The following NUP153 variants were observed in gnomAD, a reference collection of about 807,000 sequenced individuals.
NUP153 encodes the protein nuclear pore complex protein Nup153.
In NUP153, 27 loss-of-function variants were observed where a neutral mutation model predicts 134.6. That is an observed-to-expected ratio of 0.20 (90% CI 0.15 to 0.28). NUP153 has a LOEUF of 0.28. Ranked by LOEUF, NUP153 falls within the 10% of genes least tolerant of loss-of-function variation. The probability of loss-of-function intolerance (pLI) is 1.00; values close to 1 mark genes in which losing one functional copy is unlikely to be tolerated. For synonymous variants in NUP153, 640 were observed against 623.5 expected, an observed-to-expected ratio of 1.03 and a Z score of -0.40; for missense variants, 1,821 against 1,731.3, an observed-to-expected ratio of 1.05 and a Z score of -0.92.
At chr6:17,669,213 G>A in intron 7 of NUP153, 80 bp downstream of exon 7, 3 of 1,239,034 alleles carry the variant, frequency 2.4e-6, no homozygotes, top group South Asian at 1.3e-5. Context: ...CAAGTAGCTG[G>A]GACTACAGGT....
In NUP153 at chr6:17,675,377, A is replaced by G; in HGVS notation, c.584-9T>C. 6.2e-7 allele frequency: 1 copy of G among 1,613,060 alleles called. No homozygotes were observed. The highest frequency in any genetic ancestry group is 8.5e-7 in the Non-Finnish European group (1 of 1,179,266). The stretch of plus-strand genomic sequence containing the variant: ...CTTTGAAACAGTTATATCTGAAACA[A>G]AATTACATAATCCATAGTAATAACA... On this transcript the variant is annotated splice_polypyrimidine_tract_variant and intron_variant, in intron 3 of 21. Coordinates refer to ENST00000262077, the MANE Select transcript of NUP153 (RefSeq NM_005124.4). The surrounding 1 kb of genome is among the most constrained non-coding windows in gnomAD (Gnocchi z 4.4).
At chr6:17,688,661 T>C (rs757765519) in intron 1 of NUP153, 43 bp from the exon 2 acceptor site, 1 of 1,498,388 alleles carries the variant, frequency 6.7e-7, no homozygotes, top group South Asian at 1.2e-5. Flanking sequence ...TAGAAATTTA[T>C]CTTTTTAAAA....
At chr6:17,626,196 A>G (rs1561854427) in intron 18 of NUP153, 32 bp from the exon 19 acceptor site, 1 of 1,519,702 alleles carries the variant, frequency 6.6e-7, no homozygotes, top group Non-Finnish European at 9.0e-7. Context: ...ACAAACATAA[A>G]TCCTTAAGAA....
chr6:17,686,849 T>C (rs560153841), intron 2 of NUP153, among the ~76,000 whole-genome samples: 1 of 145,286 alleles, frequency 6.9e-6, no homozygotes. Flanking sequence ...CAACCGTGAC[T>C]TGATTATTGT....
intron 1 of NUP153, among the ~76,000 whole-genome samples, chr6:17,701,513 T>G (rs561669460): frequency 6.6e-6 from 1 of 151,566 alleles, no homozygotes; most frequent in East Asian, 2.0e-4. Flanking sequence ...AATACAAAAA[T>G]TAGCTGGGCG....
In NUP153 at chr6:17,632,846, T is replaced by TAAAAAAAAAAAA; in HGVS notation, c.2465-14_2465-3dup. ...TACTTGAAGCAGGTACTGAACTTCC[T>TAAAAAAAAAAAA]AAAAAAAAAAAAAAAAACGGGGAGT... is the stretch of plus-strand genomic sequence containing the variant. On this transcript the variant is annotated splice_polypyrimidine_tract_variant and splice_region_variant and intron_variant, in intron 16 of 21. Coordinates refer to ENST00000262077, the MANE Select transcript of NUP153 (RefSeq NM_005124.4). 1 of 864,580 alleles carries TAAAAAAAAAAAA rather than the reference T, an allele frequency of 1.2e-6. No individual in the cohort carries two copies. Among genetic ancestry groups the TAAAAAAAAAAAA allele is most frequent in the Non-Finnish European group, 1.5e-6 (1 of 648,392 alleles). 53.6% of individuals were successfully genotyped at this position (864,580 alleles called of 1,614,324 possible). A position where few individuals can be genotyped will look rare whatever the true frequency, so the allele number is the denominator to read the frequency against.
At chr6:17,639,360 T>G (rs1216653484) in intron 15 of NUP153, among the ~76,000 whole-genome samples, 1 of 152,092 alleles carries the variant, frequency 6.6e-6, no homozygotes, top group African/African-American at 2.4e-5. Flanking sequence ...ATTACAAGGG[T>G]GAGCCACCGC....
chr6:17,692,070 G>A (rs1332263312), intron 1 of NUP153, among the ~76,000 whole-genome samples: 2 of 152,202 alleles, frequency 1.3e-5, no homozygotes, highest in East Asian at 3.8e-4. Context: ...CTATCCATCT[G>A]GAAGGCAAGT....
Position 17,616,680 on chromosome 6 carries a change from A to G in NUP153, c.4190T>C (p.Phe1397Ser). The G allele has an allele frequency of 1.2e-6, 2 of 1,612,726 alleles. No individual in the cohort carries two copies. Among genetic ancestry groups the G allele is most frequent in the Non-Finnish European group, 1.7e-6 (2 of 1,179,114 alleles). ...GTTGAAATTTGTAGTGCTGCTGCCAAACTGGAAAGCCGAACCTGCAATAGT... is the reference window on the plus strand; with the variant it reads ...GTTGAAATTTGTAGTGCTGCTGCCAGACTGGAAAGCCGAACCTGCAATAGT... The part of the protein sequence containing the change: ...TTPNSSSAFQ[F>S]GSSTTNFNFT... The change falls in exon 21 of 22, where the codon TTT becomes TCT. Residue 1397 changes from phenylalanine to serine, a missense_variant. Physicochemically the swap from Phe to Ser is radical, Grantham distance 155. Coordinates refer to ENST00000262077, the MANE Select transcript of NUP153 (RefSeq NM_005124.4).
intron 20 of NUP153, among the ~76,000 whole-genome samples, chr6:17,617,465 TAAAAAAAA>T (rs71002233): frequency 5.7e-5 from 6 of 105,778 alleles, no homozygotes; most frequent in South Asian, 3.2e-4. Context: ...TAGTGGGAAT[TAAAAAAAA>T]AAAAAAAAAA....
In NUP153 at chr6:17,639,943, G is replaced by A. The variant is rs527767494; in HGVS notation, c.1842C>T (p.Ser614=). 20 of 1,601,994 alleles carry A rather than the reference G, an allele frequency of 1.2e-5. No individual in the cohort carries two copies. In the South Asian group the frequency reaches 1.9e-4, roughly 15 times the overall value. Residue 614 remains serine, a synonymous_variant, in exon 15 of 22, where the codon AGC becomes AGT. Transcript: ENST00000262077. Reference sequence around the variant, plus strand: ...CTTATCTTTTAATTATCTTACCAGGGCTTTTCAGAATATCTAGAACACTTC... The same window carrying A: ...CTTATCTTTTAATTATCTTACCAGGACTTTTCAGAATATCTAGAACACTTC... ...KEGSVLDILK[S]PGFASPKIDS...
At position 17,676,460 on chromosome 6, in the gene NUP153, C is replaced by CT. The variant is rs1424194331; in HGVS notation, c.335-691dup. Among the ~76,000 whole-genome samples, 4 of 151,992 alleles carry CT rather than the reference C, an allele frequency of 2.6e-5. 1 individual carries two copies. The highest frequency in any genetic ancestry group is 2.6e-4 in the Admixed American group (4 of 15,248). ...TAGAATTTAATGCGTGTTGAAGTTA[C>CT]TCCACCCCACCTTCCCGTTATTAAA... On this transcript the variant is annotated intron_variant, in intron 2 of 21. Coordinates refer to ENST00000262077, the MANE Select transcript of NUP153 (RefSeq NM_005124.4).
Position 17,638,771 on chromosome 6 carries a change from G to A in NUP153, c.1847-1001C>T, listed in dbSNP as rs753345909. Among the ~76,000 whole-genome samples the A allele has an allele frequency of 2.0e-5, 3 of 152,186 alleles. No individual in the cohort carries two copies. The highest frequency in any genetic ancestry group is 2.4e-5 in the African/African-American group (1 of 41,446). On this transcript the variant is annotated intron_variant, in intron 15 of 21. Coordinates refer to ENST00000262077, the MANE Select transcript of NUP153 (RefSeq NM_005124.4). The surrounding 1 kb of genome is among the most constrained non-coding windows in gnomAD (Gnocchi z 4.0). ...GCAAAGTGTAACCCCAGATACACAA[G>A]ACAGACTATACACATTTGAGGCTTG...
At chr6:17,701,657 T>C (rs934255830) in intron 1 of NUP153, among the ~76,000 whole-genome samples, 1 of 90,454 alleles carries the variant, frequency 1.1e-5, no homozygotes, top group African/African-American at 3.9e-5. Context: ...CAAGACTCCA[T>C]CTCAAAAAAA....
Position 17,629,126 on chromosome 6 carries a change from C to T in NUP153, c.3073G>A (p.Gly1025Ser), listed in dbSNP as rs940912694. The change falls in exon 18 of 22, where the codon GGT becomes AGT. Residue 1025 changes from glycine to serine, a missense_variant. Gly to Ser is a moderately conservative substitution (Grantham distance 56, BLOSUM62 0). Coordinates refer to ENST00000262077, the MANE Select transcript of NUP153 (RefSeq NM_005124.4). Reference protein sequence around the residue: ...PKSSSAGFSFGTGVINSTPAP... With the variant: ...PKSSSAGFSFSTGVINSTPAP... ...GGGGTGGAGTTAATAACACCTGTACCAAAGCTAAAACCTGCAGAGGAAGAT... is the reference window on the plus strand; with the variant it reads ...GGGGTGGAGTTAATAACACCTGTACTAAAGCTAAAACCTGCAGAGGAAGAT... 5 of 1,613,654 alleles carry T rather than the reference C, an allele frequency of 3.1e-6. No individual in the cohort carries two copies. Among genetic ancestry groups the T allele is most frequent in the Non-Finnish European group, 3.4e-6 (4 of 1,179,960 alleles).
chr6:17,627,055 T>C (rs1377824475), intron 18 of NUP153, among the ~76,000 whole-genome samples: 1 of 152,196 alleles, frequency 6.6e-6, no homozygotes, highest in Non-Finnish European at 1.5e-5. Context: ...TTATTGAAGA[T>C]TTTTTTCTAA....
In NUP153 at chr6:17,616,586, G is replaced by C. The variant is rs142342732; in HGVS notation, c.4284C>G (p.Ala1428=). ...GAAAGCCCCCCGAGCCTGAAGGCTG[G>C]GCTGAGGCTGCAGGTGTGCTAGAAT... ...GANSSTPAAS[A]QPSGSGGFPF... The change falls in exon 21 of 22, where the codon GCC becomes GCG. Residue 1428 remains alanine, a synonymous_variant. Transcript: ENST00000262077. 8 of 1,614,126 alleles carry C rather than the reference G, an allele frequency of 5.0e-6. No homozygotes were observed. In the South Asian group the frequency reaches 6.6e-5, roughly 13 times the overall value.
chr6:17,706,375 C>A lies in NUP153; in HGVS notation c.13G>T (p.Ala5Ser), dbSNP rs757161340. The A allele has an allele frequency of 1.9e-6, 3 of 1,612,040 alleles. No individual in the cohort carries two copies. The Admixed American group carries it at 5.0e-5, about 27-fold the overall frequency. The change falls in exon 1 of 22, where the codon GCC becomes TCC. Residue 5 changes from alanine (A) to serine (S), a missense_variant. Physicochemically the swap from Ala to Ser is moderately conservative, Grantham distance 99. Transcript: ENST00000262077. The surrounding 1 kb of genome is among the most constrained non-coding windows in gnomAD (Gnocchi z 5.9). MASG[A>S]GGVGGGGGGK... ...CCACCGCCCCCTCCGACTCCTCCGG[C>A]TCCCGAGGCCATGGCGGAGCCTCCG...
chr6:17,678,299 T>A (rs1419046790), intron 2 of NUP153, among the ~76,000 whole-genome samples: 3 of 136,482 alleles, frequency 2.2e-5, no homozygotes, highest in Non-Finnish European at 3.0e-5. Context: ...GAGGTTGCAG[T>A]GAGCTAAGAT....
Sources: gnomAD v4.1 joint callset for allele counts (sites outside exome capture counted in the v4.1 genomes callset) on GRCh38, gnomAD v4.1.1 for gene constraint, Gnocchi (gnomAD v3.1) non-coding constraint, MANE v1.5 for transcripts, NCBI Gene and HGNC (gene_info 2026-07-23, HGNC 2026-07-21) for gene names.